The following CSMD1 variants were observed in gnomAD, a reference collection of about 807,000 sequenced individuals.
The protein encoded by CSMD1 is CUB and sushi domain-containing protein 1.
In CSMD1, 213 loss-of-function variants were observed where a neutral mutation model predicts 417.5. That is an observed-to-expected ratio of 0.51 (90% confidence interval 0.46 to 0.57). The LOEUF (loss-of-function observed/expected upper bound fraction) is 0.57, where lower values mean the gene tolerates loss of function less well. Ranked by LOEUF, CSMD1 falls within the 20% of genes least tolerant of loss-of-function variation. The pLI is 0.00. For missense variants in CSMD1, 6,923 were observed against 4,529.7 expected, an observed-to-expected ratio of 1.53 and a Z score of -15.17; for synonymous variants, 2,862 against 1,736.8, an observed-to-expected ratio of 1.65 and a Z score of -16.11.
In CSMD1 at chr8:4,292,643, GCAT is replaced by G. The variant is rs1797437896; in HGVS notation, c.415+127307_415+127309del. ...TTGATATTTTCTGTGCCTCAGTCTT[GCAT>G]CATCAACATGTTTCTATACATGAAA... On this transcript the variant is annotated intron_variant, in intron 3 of 69. Coordinates refer to ENST00000635120, the MANE Select transcript of CSMD1 (RefSeq NM_033225.6). 3.9e-5 allele frequency among the ~76,000 whole-genome samples: 6 copies of G among 152,192 alleles called. No homozygotes were observed. In the South Asian group the frequency reaches 1.2e-3, roughly 32 times the overall value.
intron 6 of CSMD1, among the ~76,000 whole-genome samples, chr8:3,711,043 A>C (rs1801479421): frequency 6.6e-6 from 1 of 152,148 alleles, no homozygotes; most frequent in South Asian, 2.1e-4. Context: ...TATTATGTCT[A>C]AACTGCCAAG....
At chr8:3,858,443 T>G (rs1011618731) in intron 5 of CSMD1, among the ~76,000 whole-genome samples, 2 of 152,188 alleles carry the variant, frequency 1.3e-5, no homozygotes, top group Non-Finnish European at 2.9e-5. Flanking sequence ...TATGTTTCAT[T>G]TAAGCCATAT....
At chr8:3,307,842 T>A in intron 24 of CSMD1, 21 bp from the exon 25 acceptor site, 1 of 1,605,248 alleles carries the variant, frequency 6.2e-7, no homozygotes, top group Non-Finnish European at 8.5e-7. Context: ...CACAGAGAGA[T>A]GGGAACGTTC....
At chr8:4,019,485 C>T (rs1259842421) in intron 4 of CSMD1, among the ~76,000 whole-genome samples, 1 of 152,002 alleles carries the variant, frequency 6.6e-6, no homozygotes, top group Non-Finnish European at 1.5e-5. Context: ...CACTGTTTTA[C>T]TGGGGCCCAT....
At chr8:4,642,151 G>C (rs1013971622) in intron 1 of CSMD1, among the ~76,000 whole-genome samples, 1 of 152,166 alleles carries the variant, frequency 6.6e-6, no homozygotes, top group Non-Finnish European at 1.5e-5. Context: ...GCAAGTGCTC[G>C]GCAAGGAGCC....
chr8:4,053,481 G>A (rs2740886), intron 3 of CSMD1, among the ~76,000 whole-genome samples: 130,645 of 151,522 alleles, frequency 0.86, 56,460 homozygotes, highest in South Asian at 0.94. Context: ...TTTGGCCAAC[G>A]CAATATATTC....
chr8:3,204,518 C>T (rs368169064), intron 31 of CSMD1, among the ~76,000 whole-genome samples: 177 of 152,224 alleles, frequency 1.2e-3, no homozygotes, highest in African/African-American at 4.0e-3. Flanking sequence ...AGTATTACTG[C>T]CCATTTATCA....
intron 26 of CSMD1, among the ~76,000 whole-genome samples, chr8:3,255,847 C>A (rs1183953502): frequency 6.6e-6 from 1 of 152,154 alleles, no homozygotes; most frequent in East Asian, 1.9e-4. Flanking sequence ...TGCTTTGGCT[C>A]ACACTTGGTG....
At chr8:4,259,383 G>A (rs1803715186) in intron 3 of CSMD1, among the ~76,000 whole-genome samples, 1 of 152,134 alleles carries the variant, frequency 6.6e-6, no homozygotes, top group Non-Finnish European at 1.5e-5. Context: ...GGAGAGGACA[G>A]GAGGAGCTCC....
chr8:4,326,952 G>A (rs1010868106), intron 3 of CSMD1, among the ~76,000 whole-genome samples: 1 of 152,156 alleles, frequency 6.6e-6, no homozygotes, highest in Non-Finnish European at 1.5e-5. Flanking sequence ...TACTTTGGAA[G>A]TGCAGGTGAA....
At chr8:4,067,657 A>T (rs1049855114) in intron 3 of CSMD1, among the ~76,000 whole-genome samples, 4 of 152,228 alleles carry the variant, frequency 2.6e-5, no homozygotes, top group African/African-American at 9.6e-5. Context: ...AAAAAGAATA[A>T]AATGCAGTCT....
chr8:2,940,752 C>T (rs186765545), intron 69 of CSMD1, among the ~76,000 whole-genome samples: 4 of 152,196 alleles, frequency 2.6e-5, no homozygotes, highest in Non-Finnish European at 5.9e-5. Context: ...ACAAGACAAT[C>T]CCAGTCTTAT....
chr8:4,563,052 A>C (rs1161033188), intron 2 of CSMD1, among the ~76,000 whole-genome samples: 2 of 152,072 alleles, frequency 1.3e-5, no homozygotes, highest in Admixed American at 1.3e-4. Flanking sequence ...GTATTAACCA[A>C]CTCCAAATTT....
At chr8:3,443,138 G>C (rs774326727) in intron 12 of CSMD1, among the ~76,000 whole-genome samples, 18 of 152,198 alleles carry the variant, frequency 1.2e-4, no homozygotes, top group Non-Finnish European at 2.1e-4. Context: ...CTAGTGAGCA[G>C]TGTACACTGC....
chr8:3,809,374 A>C (rs948247605), intron 5 of CSMD1, among the ~76,000 whole-genome samples: 1 of 152,158 alleles, frequency 6.6e-6, no homozygotes, highest in Non-Finnish European at 1.5e-5. Context: ...TGTTCTACTC[A>C]CTAGGCTCTG....
chr8:3,069,880 G>T (rs1451916882), intron 49 of CSMD1, among the ~76,000 whole-genome samples: 2 of 152,210 alleles, frequency 1.3e-5, no homozygotes, highest in East Asian at 3.9e-4. Flanking sequence ...GATACCCAGG[G>T]TTTTTCATAC....
chr8:4,345,547 G>A (rs1159913169), intron 3 of CSMD1, among the ~76,000 whole-genome samples: 1 of 152,068 alleles, frequency 6.6e-6, no homozygotes, highest in Non-Finnish European at 1.5e-5. Context: ...GGAAATATAT[G>A]CAAATCACTC....
At chr8:4,092,296 G>A (rs542804243) in intron 3 of CSMD1, among the ~76,000 whole-genome samples, 4 of 152,220 alleles carry the variant, frequency 2.6e-5, no homozygotes, top group Admixed American at 6.5e-5. Context: ...AAACCCGAGG[G>A]CAACATTTCC....
chr8:4,259,220 G>A (rs1490921050), intron 3 of CSMD1, among the ~76,000 whole-genome samples: 1 of 152,136 alleles, frequency 6.6e-6, no homozygotes, highest in Non-Finnish European at 1.5e-5. Context: ...CTTTCAAATC[G>A]CAGAGAGAAT....
Sources: allele counts gnomAD v4.1 joint callset (sites outside exome capture counted in the v4.1 genomes callset), GRCh38; gene constraint gnomAD v4.1.1; transcripts MANE v1.5; gene names NCBI Gene and HGNC (gene_info 2026-07-23, HGNC 2026-07-21).